GPC5: variants seen among roughly 807,000 people sequenced by gnomAD.
GPC5 encodes the protein glypican 5.
A neutral mutation model predicts 53.9 loss-of-function variants in GPC5; 47 were observed. That is an observed-to-expected ratio of 0.87 (90% CI 0.69 to 1.11). The LOEUF is 1.11. GPC5 is among the 50% of genes most tolerant of loss of function. The pLI, the probability that GPC5 is intolerant of heterozygous loss-of-function variation, is 0.00. For missense variants in GPC5, 748 were observed against 713.1 expected (o/e 1.05, Z -0.56); for synonymous variants, 286 against 263.3 (o/e 1.09, Z -0.84).
intron 7 of GPC5, among the ~76,000 whole-genome samples, chr13:92,192,958 C>T (rs1314235094): frequency 2.0e-5 from 3 of 152,050 alleles, no homozygotes; most frequent in African/African-American, 7.2e-5. Context: ...GGGCGGATCA[C>T]AAGGTCAGGA....
chr13:92,767,038 G>A (rs536584777), intron 7 of GPC5, among the ~76,000 whole-genome samples: 7 of 152,278 alleles, frequency 4.6e-5, no homozygotes, highest in African/African-American at 9.6e-5. Flanking sequence ...TGTGGGTCTC[G>A]TGCACTTGTG....
intron 2 of GPC5, among the ~76,000 whole-genome samples, chr13:91,455,370 A>T (rs1566413993): frequency 1.3e-5 from 2 of 152,094 alleles, no homozygotes; most frequent in Non-Finnish European, 2.9e-5. Flanking sequence ...ACACTTAAGT[A>T]TTGTCAGAAT....
intron 7 of GPC5, among the ~76,000 whole-genome samples, chr13:92,816,104 A>G (rs778696659): frequency 6.6e-6 from 1 of 152,030 alleles, no homozygotes; most frequent in Non-Finnish European, 1.5e-5. Flanking sequence ...GAAAGTTGAT[A>G]GAGAAGGCCA....
intron 6 of GPC5, among the ~76,000 whole-genome samples, chr13:92,099,533 A>G (rs2041448932): frequency 6.6e-6 from 1 of 152,148 alleles, no homozygotes; most frequent in South Asian, 2.1e-4. Context: ...GCCAGATGGA[A>G]CTGTGTTTTT....
intron 7 of GPC5, among the ~76,000 whole-genome samples, chr13:92,279,433 TAGAG>T (rs1233151344): frequency 2.0e-5 from 3 of 152,058 alleles, no homozygotes; most frequent in Admixed American, 6.5e-5. Flanking sequence ...TCATCTGCAA[TAGAG>T]ATAGTTTTTA....
At chr13:92,500,227 A>G (rs1880132083) in intron 7 of GPC5, among the ~76,000 whole-genome samples, 1 of 152,128 alleles carries the variant, frequency 6.6e-6, no homozygotes, top group Non-Finnish European at 1.5e-5. Context: ...ACAACAGATG[A>G]ATAACGTACA....
At chr13:91,720,996 AAC>A (rs1183178386) in intron 3 of GPC5, among the ~76,000 whole-genome samples, 2 of 152,084 alleles carry the variant, frequency 1.3e-5, no homozygotes, top group African/African-American at 4.8e-5. Context: ...TCTCCCCTGA[AAC>A]ACACTCAAAA....
At chr13:92,719,127 G>T (rs1051956868) in intron 7 of GPC5, among the ~76,000 whole-genome samples, 6 of 151,516 alleles carry the variant, frequency 4.0e-5, no homozygotes, top group Admixed American at 4.0e-4. Flanking sequence ...TGTCTCTAAT[G>T]ACTATAAAAT....
At chr13:92,863,597 G>A (rs183203635) in intron 7 of GPC5, among the ~76,000 whole-genome samples, 1 of 152,140 alleles carries the variant, frequency 6.6e-6, no homozygotes, top group East Asian at 1.9e-4. Flanking sequence ...GAGTTCAAGT[G>A]ATTCTCCTGC....
chr13:92,500,403 T>C (rs190180007), intron 7 of GPC5, among the ~76,000 whole-genome samples: 1 of 152,300 alleles, frequency 6.6e-6, no homozygotes, highest in African/African-American at 2.4e-5. Context: ...GTAATTACTG[T>C]TGCCGGACCC....
chr13:92,727,404 C>A (rs532864345), intron 7 of GPC5, among the ~76,000 whole-genome samples: 2 of 146,496 alleles, frequency 1.4e-5, no homozygotes, highest in East Asian at 3.9e-4. Flanking sequence ...GATTCTACTT[C>A]CTCCATTTCT....
chr13:92,332,663 C>G (rs147407050), intron 7 of GPC5, among the ~76,000 whole-genome samples: 50 of 152,180 alleles, frequency 3.3e-4, no homozygotes, highest in African/African-American at 1.1e-3. Context: ...AATTTTCAAC[C>G]ACTTACAAAT....
chr13:91,917,398 C>T (rs569654485), intron 6 of GPC5, among the ~76,000 whole-genome samples: 32 of 152,330 alleles, frequency 2.1e-4, no homozygotes, highest in African/African-American at 7.2e-4. Context: ...CCCCCACCCC[C>T]TTCCCAGCTG....
intron 6 of GPC5, among the ~76,000 whole-genome samples, chr13:91,979,648 T>C (rs950376868): frequency 6.6e-6 from 1 of 152,188 alleles, no homozygotes; most frequent in Admixed American, 6.5e-5. Flanking sequence ...CATTGAGAAA[T>C]TCAGACATGA....
chr13:92,154,317 T>C (rs2041927985), intron 7 of GPC5, among the ~76,000 whole-genome samples: 1 of 152,200 alleles, frequency 6.6e-6, no homozygotes, highest in Non-Finnish European at 1.5e-5. Flanking sequence ...CATTTCAACA[T>C]GAGATTCCAA....
chr13:92,491,634 G>A (rs977932640), intron 7 of GPC5, among the ~76,000 whole-genome samples: 1 of 151,894 alleles, frequency 6.6e-6, no homozygotes, highest in Non-Finnish European at 1.5e-5. Context: ...AGTGCACTTG[G>A]CCAACCGTGT....
rs1215429759 is a variant in GPC5 at position 92,347,880 on chromosome 13, T to TA, written c.1561+202892dup. Among the ~76,000 whole-genome samples, 11 of 2,140 alleles carry TA rather than the reference T, an allele frequency of 5.1e-3. 1 individual carries two copies. The highest frequency in any genetic ancestry group is 0.031 in the South Asian group (1 of 32). The allele number at this position is 2,140 out of a possible 152,430, so 1.4% of individuals were successfully genotyped here. A position where few individuals can be genotyped will look rare whatever the true frequency, so the allele number is the denominator to read the frequency against. Reference sequence around the variant, plus strand: ...ATATATATATTATATATATAATATATATTATATATATTATATATATAATAT... The same window carrying TA: ...ATATATATATTATATATATAATATATAATTATATATATTATATATATAATAT... On this transcript the variant is annotated intron_variant, in intron 7 of 7. Transcript: ENST00000377067.
chr13:92,602,233 C>CATATATAT (rs149450440), intron 7 of GPC5, among the ~76,000 whole-genome samples: 2,276 of 119,322 alleles, frequency 0.019, 54 homozygotes, highest in Non-Finnish European at 0.027. Context: ...ATATATATAA[C>CATATATAT]ATATATATAT....
At chr13:91,765,459 G>A (rs2037504087) in intron 5 of GPC5, among the ~76,000 whole-genome samples, 1 of 152,190 alleles carries the variant, frequency 6.6e-6, no homozygotes, top group Non-Finnish European at 1.5e-5. Flanking sequence ...TGGCTGAAAT[G>A]GAAACAGAAA....
Sources: gnomAD v4.1 joint callset for allele counts (sites outside exome capture counted in the v4.1 genomes callset) on GRCh38, gnomAD v4.1.1 for gene constraint, MANE v1.5 for transcripts, NCBI Gene and HGNC (gene_info 2026-07-23, HGNC 2026-07-21) for gene names.